Variants in FBXO11 observed in about 807,000 individuals in gnomAD.
The protein encoded by FBXO11 is F-box protein 11.
In FBXO11, 13 loss-of-function variants were observed where a neutral mutation model predicts 117.0. The observed-to-expected ratio is 0.11, with a 90% CI of 0.07 to 0.18. The LOEUF is 0.18. Ranked by LOEUF, FBXO11 falls within the 10% of genes least tolerant of loss-of-function variation. The pLI is 1.00. For synonymous variants in FBXO11, 490 were observed against 380.5 expected (o/e 1.29, Z -3.35); for missense variants, 767 against 1,164.4 (o/e 0.66, Z 4.97).
At chr2:47,857,774 A>G (rs1197195220) in intron 1 of FBXO11, among the ~76,000 whole-genome samples, 1 of 152,214 alleles carries the variant, frequency 6.6e-6, no homozygotes, top group Non-Finnish European at 1.5e-5. Context: ...TTGAATGAAT[A>G]TACAAAACTG....
chr2:47,823,878 ACT>A (rs1180877664), intron 11 of FBXO11, among the ~76,000 whole-genome samples: 1 of 151,966 alleles, frequency 6.6e-6, no homozygotes. Flanking sequence ...ACAAGGTCTC[ACT>A]CTGTTGTCCA....
chr2:47,849,582 C>G (rs1673692554), intron 1 of FBXO11, among the ~76,000 whole-genome samples: 1 of 152,190 alleles, frequency 6.6e-6, no homozygotes, highest in African/African-American at 2.4e-5. Flanking sequence ...GCCTAAGAGA[C>G]AGACAACTAA....
chr2:47,875,824 T>A (rs965133899), intron 1 of FBXO11, among the ~76,000 whole-genome samples: 15 of 152,194 alleles, frequency 9.9e-5, no homozygotes, highest in African/African-American at 3.4e-4. Flanking sequence ...GGTTTAGCCT[T>A]CTTCATTCTC....
Position 47,808,313 on chromosome 2 carries a change from C to G in FBXO11, c.2654+16G>C. ...GAAAGTAATTGGGTAATATATCAAGCAAGTGTGCTACATACCTATCATGTC... is the reference window on the plus strand; with the variant it reads ...GAAAGTAATTGGGTAATATATCAAGGAAGTGTGCTACATACCTATCATGTC... On this transcript the variant is annotated intron_variant, in intron 22 of 22. Coordinates refer to ENST00000403359, the MANE Select transcript of FBXO11 (RefSeq NM_001190274.2). 1 of 1,612,222 alleles carries G rather than the reference C, an allele frequency of 6.2e-7. No homozygotes were observed. The highest frequency in any genetic ancestry group is 8.5e-7 in the Non-Finnish European group (1 of 1,179,246).
At chr2:47,892,924 T>C (rs1289847789) in intron 1 of FBXO11, among the ~76,000 whole-genome samples, 2 of 152,104 alleles carry the variant, frequency 1.3e-5, no homozygotes, top group Admixed American at 6.6e-5. Context: ...ACTTTTGAAG[T>C]GTGGTCCAAA....
chr2:47,827,138 A>C lies in FBXO11; in HGVS notation c.1399-3778T>G, dbSNP rs550763514. On this transcript the variant is annotated intron_variant, in intron 11 of 22. Transcript: ENST00000403359. ...CTTTCAAGAAAATAAAGCAGCAAAA[A>C]GTTTTCTTTTCTCAACGACCTTAAA... Among the ~76,000 whole-genome samples, 4 of 152,344 alleles carry C rather than the reference A, an allele frequency of 2.6e-5. No homozygotes were observed. The East Asian group carries it at 7.7e-4, about 29-fold the overall frequency.
chr2:47,851,750 A>G (rs1205432028), intron 1 of FBXO11, among the ~76,000 whole-genome samples: 1 of 152,208 alleles, frequency 6.6e-6, no homozygotes, highest in Non-Finnish European at 1.5e-5. Context: ...GTATTTTCAC[A>G]TAATATTTAG....
At chr2:47,896,148 T>A (rs1677647724) in intron 1 of FBXO11, among the ~76,000 whole-genome samples, 2 of 152,162 alleles carry the variant, frequency 1.3e-5, no homozygotes, top group Admixed American at 1.3e-4. Context: ...TTTTGAGTAT[T>A]TTCTAAAAAG....
intron 1 of FBXO11, among the ~76,000 whole-genome samples, chr2:47,893,343 T>A (rs976163488): frequency 6.7e-6 from 1 of 149,096 alleles, no homozygotes; most frequent in East Asian, 1.9e-4. Flanking sequence ...ATAAATCACA[T>A]GTGTATGTGC....
intron 1 of FBXO11, among the ~76,000 whole-genome samples, chr2:47,894,343 T>C (rs563642713): frequency 6.6e-6 from 1 of 152,300 alleles, no homozygotes; most frequent in South Asian, 2.1e-4. Flanking sequence ...TAGTCAAGAA[T>C]ATGCAGAAAA....
intron 16 of FBXO11, among the ~76,000 whole-genome samples, chr2:47,814,467 C>T (rs1670867770): frequency 6.7e-6 from 1 of 149,184 alleles, no homozygotes; most frequent in Admixed American, 6.7e-5. Context: ...CAGCCTCGAA[C>T]TCTTGGGCTC....
At chr2:47,896,518 CG>C (rs1209761328) in intron 1 of FBXO11, among the ~76,000 whole-genome samples, 2 of 152,052 alleles carry the variant, frequency 1.3e-5, no homozygotes, top group Admixed American at 1.3e-4. Context: ...TCTGTAGAGA[CG>C]GGGTTTCGCC....
intron 1 of FBXO11, among the ~76,000 whole-genome samples, chr2:47,878,355 T>C (rs576873746): frequency 9.9e-5 from 15 of 152,078 alleles, no homozygotes; most frequent in African/African-American, 3.1e-4. Flanking sequence ...TTGCCTTTTG[T>C]TCTTTTTTTT....
chr2:47,864,251 A>AT (rs2103773770), intron 1 of FBXO11, among the ~76,000 whole-genome samples: 1 of 152,334 alleles, frequency 6.6e-6, no homozygotes, highest in South Asian at 2.1e-4. Context: ...GAGAAAACAT[A>AT]TAATGAAAGA....
chr2:47,878,757 C>A (rs1676205819), intron 1 of FBXO11, among the ~76,000 whole-genome samples: 2 of 151,600 alleles, frequency 1.3e-5, no homozygotes, highest in African/African-American at 2.4e-5. Context: ...ACAGGCAGAT[C>A]ACCTGAGGTC....
intron 7 of FBXO11, 25 bp downstream of exon 7, chr2:47,834,554 T>G (rs1402964861): frequency 2.0e-6 from 3 of 1,505,826 alleles, no homozygotes; most frequent in Non-Finnish European, 2.7e-6. Flanking sequence ...TATTAAAATT[T>G]TAATGACAAT....
At position 47,905,404 on chromosome 2, in the gene FBXO11, C is replaced by A. The variant is rs1678705859; in HGVS notation, c.232+85G>T. On this transcript the variant is annotated intron_variant, in intron 1 of 22. Transcript: ENST00000403359. ...CACCCCCAGGGCGCGCAGGCCGCCCCCGCCCGCCCGCCCGCCCGCCCGCCC... is the reference window on the plus strand; with the variant it reads ...CACCCCCAGGGCGCGCAGGCCGCCCACGCCCGCCCGCCCGCCCGCCCGCCC... 3.1e-5 allele frequency: 12 copies of A among 388,362 alleles called. No individual in the cohort carries two copies. The South Asian group carries it at 1.3e-3, about 42-fold the overall frequency. 24.1% of individuals were successfully genotyped at this position (388,362 alleles called of 1,614,324 possible). A position where few individuals can be genotyped will look rare whatever the true frequency, so the allele number is the denominator to read the frequency against.
chr2:47,900,572 GTATACACACA>G (rs1381853856), intron 1 of FBXO11, among the ~76,000 whole-genome samples: 34 of 135,956 alleles, frequency 2.5e-4, no homozygotes, highest in Admixed American at 3.6e-4. Context: ...ATATACACAC[GTATACACACA>G]TATATACGTA....
chr2:47,815,639 C>A (rs1243366237), intron 16 of FBXO11, among the ~76,000 whole-genome samples: 4 of 152,110 alleles, frequency 2.6e-5, no homozygotes, highest in Non-Finnish European at 5.9e-5. Flanking sequence ...GCTTTCAGAC[C>A]CCCAATTTCA....
Sources: gnomAD v4.1 joint callset for allele counts (sites outside exome capture counted in the v4.1 genomes callset) on GRCh38, gnomAD v4.1.1 for gene constraint, MANE v1.5 for transcripts, NCBI Gene and HGNC (gene_info 2026-07-23, HGNC 2026-07-21) for gene names.